UBE3A: variants seen among roughly 807,000 people sequenced by gnomAD.
UBE3A encodes the protein ubiquitin protein ligase E3A, also known as ubiquitin-protein ligase E3A.
In UBE3A, 6 loss-of-function variants were observed where a neutral mutation model predicts 83.4. The observed-to-expected ratio is 0.07, with a 90% CI of 0.04 to 0.14. UBE3A has a LOEUF of 0.14. Ranked by LOEUF, UBE3A falls within the 10% of genes least tolerant of loss-of-function variation. UBE3A has a pLI of 1.00. For synonymous variants in UBE3A, 337 were observed against 355.4 expected, an observed-to-expected ratio of 0.95 and a Z score of 0.58; for missense variants, 456 against 1,036.1, an observed-to-expected ratio of 0.44 and a Z score of 7.69.
chr15:25,384,887 A>G (rs1316088940), intron 4 of UBE3A, among the ~76,000 whole-genome samples: 5 of 152,188 alleles, frequency 3.3e-5, no homozygotes, highest in African/African-American at 1.2e-4. Flanking sequence ...CTGTATTGGG[A>G]AATCTGGAAT....
In UBE3A at chr15:25,370,945, A is replaced by C; in HGVS notation, c.1229T>G (p.Leu410Trp). ...TTTCTTGTTTCTTCTTTCTTCTCCCAAAAGTTCCTGAAGTGTCAGCTCGCT... is the reference window on the plus strand; with the variant it reads ...TTTCTTGTTTCTTCTTTCTTCTCCCCAAAGTTCCTGAAGTGTCAGCTCGCT... ...ESSELTLQEL[L>W]GEERRNKKGP... is the part of the protein sequence containing the mutation. The change falls in exon 6 of 13, where the codon TTG becomes TGG. Residue 410 changes from leucine to tryptophan, a missense_variant. Around this residue, in one of 13 missense-constraint regions of UBE3A, gnomAD observed 85 missense variants for 137.0 expected, o/e 0.62. Coordinates refer to ENST00000648336, the MANE Select transcript of UBE3A (RefSeq NM_130839.5). The surrounding 1 kb of genome is among the most constrained non-coding windows in gnomAD (Gnocchi z 4.2). The C allele has an allele frequency of 1.9e-6, 3 of 1,614,080 alleles. No homozygotes were observed. Among genetic ancestry groups the C allele is most frequent in the Non-Finnish European group, 2.5e-6 (3 of 1,180,010 alleles).
chr15:25,382,792 A>C (rs191838856), intron 4 of UBE3A, among the ~76,000 whole-genome samples: 59 of 152,298 alleles, frequency 3.9e-4, no homozygotes, highest in African/African-American at 1.4e-3. Flanking sequence ...CACAGAAATA[A>C]ATAGGACCTT....
At chr15:25,342,293 T>C (rs1014963524) in intron 11 of UBE3A, among the ~76,000 whole-genome samples, 1 of 151,380 alleles carries the variant, frequency 6.6e-6, no homozygotes, top group Non-Finnish European at 1.5e-5. Context: ...CCTAAGGAGG[T>C]AGACCAAAGA....
intron 5 of UBE3A, among the ~76,000 whole-genome samples, chr15:25,372,452 TAG>T (rs1275703020): frequency 6.6e-6 from 1 of 152,166 alleles, no homozygotes; most frequent in Non-Finnish European, 1.5e-5. Flanking sequence ...CTAAATCTCA[TAG>T]AGTGACAGAA....
chr15:25,433,020 C>G (rs1167253150), intron 1 of UBE3A, among the ~76,000 whole-genome samples: 3 of 152,070 alleles, frequency 2.0e-5, no homozygotes, highest in African/African-American at 7.2e-5. Context: ...TGCCATTGAT[C>G]AGATTAACAC....
chr15:25,382,388 A>G (rs2082334243), intron 4 of UBE3A, among the ~76,000 whole-genome samples: 1 of 145,668 alleles, frequency 6.9e-6, no homozygotes. Context: ...AGAATGCGTG[A>G]TATATGATAA....
At chr15:25,422,663 C>A (rs1014015869) in intron 1 of UBE3A, among the ~76,000 whole-genome samples, 11 of 151,810 alleles carry the variant, frequency 7.2e-5, no homozygotes, top group African/African-American at 2.4e-4. Context: ...AGTAAAATCA[C>A]AAAAGTATCA....
At chr15:25,396,718 TTC>T (rs1161230880) in intron 4 of UBE3A, among the ~76,000 whole-genome samples, 1 of 152,150 alleles carries the variant, frequency 6.6e-6, no homozygotes, top group East Asian at 1.9e-4. Context: ...ATTGCATTAG[TTC>T]TGTTTCTAGG....
At chr15:25,387,197 G>C (rs962952485) in intron 4 of UBE3A, among the ~76,000 whole-genome samples, 5 of 152,124 alleles carry the variant, frequency 3.3e-5, no homozygotes, top group Non-Finnish European at 7.4e-5. Flanking sequence ...CGCTTAGAAA[G>C]AAACATACAA....
chr15:25,407,750 G>C (rs914487453), intron 3 of UBE3A: 1 of 152,110 alleles, frequency 6.6e-6, no homozygotes, highest in African/African-American at 2.4e-5. Flanking sequence ...TAGCAAAGTT[G>C]TTCTACTCAA....
chr15:25,342,091 G>GC (rs761524211), intron 11 of UBE3A, among the ~76,000 whole-genome samples: 12 of 152,106 alleles, frequency 7.9e-5, no homozygotes, highest in Non-Finnish European at 1.5e-4. Context: ...ACTTGCAGGA[G>GC]CATCTCTCAG....
chr15:25,335,867 G>A lies in UBE3A; in HGVS notation c.*3270C>T, dbSNP rs1294317682. The A allele has an allele frequency of 6.6e-6, 1 of 152,124 alleles. No homozygotes were observed. Among genetic ancestry groups the A allele is most frequent in the African/African-American group, 2.4e-5 (1 of 41,422 alleles). 9.4% of individuals were successfully genotyped at this position (152,124 alleles called of 1,614,324 possible). Reference sequence around the variant, plus strand: ...TATCCATCTAAAATCTGGGTAAACTGGGATGGAAAAACAAGTAGCCAGAGA... The same window carrying A: ...TATCCATCTAAAATCTGGGTAAACTAGGATGGAAAAACAAGTAGCCAGAGA... On this transcript the variant is annotated 3_prime_UTR_variant, in exon 13 of 13. Coordinates refer to ENST00000648336, the MANE Select transcript of UBE3A (RefSeq NM_130839.5).
chr15:25,391,395 T>C (rs2084354206), intron 4 of UBE3A, among the ~76,000 whole-genome samples: 2 of 152,208 alleles, frequency 1.3e-5, no homozygotes, highest in African/African-American at 4.8e-5. Context: ...TTTTACAAGA[T>C]GAAAAAGTTC....
chr15:25,401,952 T>C (rs1239577547), intron 4 of UBE3A, among the ~76,000 whole-genome samples: 1 of 152,252 alleles, frequency 6.6e-6, no homozygotes, highest in East Asian at 1.9e-4. Flanking sequence ...CTGATTTTGT[T>C]GAATTGTTTA....
At chr15:25,409,754 A>G (rs893450505) in intron 2 of UBE3A, among the ~76,000 whole-genome samples, 1 of 152,212 alleles carries the variant, frequency 6.6e-6, no homozygotes, top group Non-Finnish European at 1.5e-5. Flanking sequence ...GGACAAATTC[A>G]GTCAAAAGAT....
At chr15:25,434,500 T>C (rs1016191178) in intron 1 of UBE3A, among the ~76,000 whole-genome samples, 34 of 152,236 alleles carry the variant, frequency 2.2e-4, no homozygotes, top group African/African-American at 8.2e-4. Context: ...TTATGGAATA[T>C]GTCTCCAGAA....
At chr15:25,412,867 A>G (rs2090240103) in intron 1 of UBE3A, 2 of 293,094 alleles carry the variant, frequency 6.8e-6, no homozygotes, top group Non-Finnish European at 1.4e-5. Context: ...TACCTGGGGA[A>G]ATCTAAAAAT....
intron 5 of UBE3A, chr15:25,373,429 AG>A (rs1289421530): frequency 3.3e-5 from 5 of 152,292 alleles, no homozygotes; most frequent in African/African-American, 1.2e-4. Flanking sequence ...TGATTCTGAC[AG>A]TCTACTAATC....
intron 4 of UBE3A, among the ~76,000 whole-genome samples, chr15:25,403,059 A>C (rs917297790): frequency 2.0e-5 from 3 of 152,214 alleles, no homozygotes; most frequent in African/African-American, 7.2e-5. Flanking sequence ...CATGCCACTA[A>C]TGATTCTGTT....
Sources: gnomAD v4.1 joint callset for allele counts (sites outside exome capture counted in the v4.1 genomes callset) on GRCh38, gnomAD v4.1.1 for gene constraint, gnomAD v4.1.1 regional missense constraint, Gnocchi (gnomAD v3.1) non-coding constraint, MANE v1.5 for transcripts, NCBI Gene and HGNC (gene_info 2026-07-23, HGNC 2026-07-21) for gene names.